MYH11: variants seen among roughly 807,000 people sequenced by gnomAD.
The protein encoded by MYH11 is myosin-11.
A neutral mutation model predicts 246.6 loss-of-function variants in MYH11; 80 were observed. The ratio of observed to expected loss-of-function variants is 0.32; its 90% CI spans 0.27 to 0.39. The LOEUF is 0.39. MYH11 is among the 10% of genes least tolerant of loss of function. The pLI, the probability that MYH11 is intolerant of heterozygous loss-of-function variation, is 1.00. For missense variants in MYH11, 2,158 were observed against 2,546.8 expected (o/e 0.85, Z 3.29); for synonymous variants, 1,071 against 1,015.5 (o/e 1.05, Z -1.04).
At chr16:15,782,809 C>A (rs1457132605) in intron 5 of MYH11, 1 of 356,204 alleles carries the variant, frequency 2.8e-6, no homozygotes, top group African/African-American at 2.1e-5. Flanking sequence ...ATGAATGGTG[C>A]CCCCCGGAGT....
At chr16:15,749,917 G>A (rs2041518900) in intron 16 of MYH11, 1 of 613,884 alleles carries the variant, frequency 1.6e-6, no homozygotes, top group Admixed American at 2.9e-5. Context: ...GTGGCTGGAT[G>A]ACCTGCACAG....
chr16:15,818,806 C>T (rs2043328436), intron 3 of MYH11, among the ~76,000 whole-genome samples: 1 of 152,156 alleles, frequency 6.6e-6, no homozygotes, highest in Non-Finnish European at 1.5e-5. Context: ...TAGACGAGGG[C>T]ATAGCAGGTG....
At chr16:15,797,659 T>C (rs942774026) in intron 4 of MYH11, among the ~76,000 whole-genome samples, 1 of 151,392 alleles carries the variant, frequency 6.6e-6, no homozygotes. Flanking sequence ...TTCACCGACC[T>C]GCTGAAAGTT....
intron 9 of MYH11, among the ~76,000 whole-genome samples, chr16:15,771,364 T>C (rs1359482122): frequency 6.6e-6 from 1 of 151,952 alleles, no homozygotes; most frequent in Non-Finnish European, 1.5e-5. Flanking sequence ...CTCGGGTTAC[T>C]TGCAACCCTA....
Position 15,795,900 on chromosome 16 carries a change from G to A in MYH11, c.530+2760C>T, listed in dbSNP as rs543148490. Reference sequence around the variant, plus strand: ...CATACAACTAACTAGACGATGATGGGGCCAGAATTCAAACCCAAGGGGTTA... The same window carrying A: ...CATACAACTAACTAGACGATGATGGAGCCAGAATTCAAACCCAAGGGGTTA... On this transcript the variant is annotated intron_variant, in intron 4 of 40. Transcript: ENST00000300036. 8.5e-5 allele frequency among the ~76,000 whole-genome samples: 13 copies of A among 152,278 alleles called. No individual in the cohort carries two copies. The South Asian group carries it at 2.7e-3, about 32-fold the overall frequency.
At chr16:15,733,112 T>C in intron 26 of MYH11, 1 of 260,554 alleles carries the variant, frequency 3.8e-6, no homozygotes, top group South Asian at 5.2e-5. Context: ...TGTGTTATTA[T>C]TTCCATTTTA....
chr16:15,745,090 TG>T, intron 20 of MYH11, 38 bp downstream of exon 20: 3 of 1,518,582 alleles, frequency 2.0e-6, no homozygotes, highest in Non-Finnish European at 2.7e-6. Context: ...GAAGCAGGGC[TG>T]GGGGCCCCTG....
intron 20 of MYH11, 104 bp downstream of exon 20, chr16:15,745,025 T>C: frequency 3.4e-6 from 3 of 881,142 alleles, no homozygotes; most frequent in Middle Eastern, 2.2e-4. Context: ...GAGCCCTCCA[T>C]TCCACACCCA....
At chr16:15,717,029 TTGC>T (rs1372869461) in intron 38 of MYH11, 108 bp downstream of exon 38, 1 of 1,168,094 alleles carries the variant, frequency 8.6e-7, no homozygotes, top group East Asian at 2.3e-5. Flanking sequence ...ATCACAGAGC[TTGC>T]TTCTTACAAG....
intron 1 of MYH11, among the ~76,000 whole-genome samples, chr16:15,845,571 C>T (rs1217965019): frequency 3.9e-5 from 6 of 152,156 alleles, no homozygotes; most frequent in East Asian, 1.9e-4. Context: ...TGGCTTGATA[C>T]GACGCGTCTT....
At chr16:15,743,794 G>A (rs899312421) in intron 20 of MYH11, among the ~76,000 whole-genome samples, 6 of 152,156 alleles carry the variant, frequency 3.9e-5, no homozygotes, top group African/African-American at 1.4e-4. Flanking sequence ...GATACAGCAG[G>A]CACTCAATGT....
At chr16:15,845,215 G>C (rs2044154389) in intron 1 of MYH11, among the ~76,000 whole-genome samples, 1 of 152,002 alleles carries the variant, frequency 6.6e-6, no homozygotes, top group South Asian at 2.1e-4. Context: ...CAGCCCACAG[G>C]CTGCATGGGG....
At chr16:15,735,828 G>A (rs1372243093) in intron 25 of MYH11, among the ~76,000 whole-genome samples, 4 of 152,276 alleles carry the variant, frequency 2.6e-5, no homozygotes, top group African/African-American at 9.6e-5. Context: ...ATGCACGTGT[G>A]TGCATGTGTG....
rs182436691 is a variant in MYH11, at chr16:15,762,850, G to A, written c.1129+946C>T. Among the ~76,000 whole-genome samples, 560 of 152,264 alleles carry A rather than the reference G, an allele frequency of 3.7e-3. 7 individuals are homozygous for A. Among genetic ancestry groups the A allele is most frequent in the African/African-American group, 0.012 (518 of 41,546 alleles). Reference sequence around the variant, plus strand: ...TGTGGGCAAGGTAAACCCAGTAAGCGGTTGCAACAGGTTTGATCAAGGTGG... The same window carrying A: ...TGTGGGCAAGGTAAACCCAGTAAGCAGTTGCAACAGGTTTGATCAAGGTGG... On this transcript the variant is annotated intron_variant, in intron 10 of 40. Coordinates refer to ENST00000300036, the MANE Select transcript of MYH11 (RefSeq NM_002474.3).
At chr16:15,800,019 G>A (rs1042520414) in intron 3 of MYH11, among the ~76,000 whole-genome samples, 1 of 151,528 alleles carries the variant, frequency 6.6e-6, no homozygotes, top group African/African-American at 2.4e-5. Flanking sequence ...TGGGTAGGTA[G>A]ATGGATGGGT....
At chr16:15,744,938 G>T (rs528656144) in intron 20 of MYH11, among the ~76,000 whole-genome samples, 191 bp downstream of exon 20, 1 of 152,226 alleles carries the variant, frequency 6.6e-6, no homozygotes, top group Non-Finnish European at 1.5e-5. Flanking sequence ...TTGTGTTAAG[G>T]TCCTGGCTAT....
chr16:15,798,619 A>AC, intron 4 of MYH11, 41 bp downstream of exon 4: 1 of 1,499,524 alleles, frequency 6.7e-7, no homozygotes, highest in Non-Finnish European at 9.0e-7. Flanking sequence ...AAAAAAAAAA[A>AC]AAAACAAAAA....
In MYH11 at chr16:15,724,208, G is replaced by A. The variant is rs766841864; in HGVS notation, c.4318C>T (p.Arg1440Trp). ...DDLVVDLDNQ[R>W]QLVSNLEKKQ... is the part of the protein sequence containing the mutation. ...TTTTCCAGGTTGGACACGAGTTGCC[G>A]CTGGTTGTCCAAATCAACAACCAGG... Residue 1440 changes from arginine to tryptophan, a missense_variant, in exon 31 of 41, where the codon CGG becomes TGG. Arg to Trp is a moderately radical substitution (Grantham distance 101). Around this residue, in one of 11 missense-constraint regions of MYH11, gnomAD observed 1,013 missense variants for 993.5 expected, o/e 1.02. Coordinates refer to ENST00000300036, the MANE Select transcript of MYH11 (RefSeq NM_002474.3). 19 of 1,613,932 alleles carry A rather than the reference G, an allele frequency of 1.2e-5. No individual in the cohort carries two copies. The Admixed American group carries it at 2.2e-4, about 18-fold the overall frequency.
intron 36 of MYH11, chr16:15,718,892 C>G: frequency 4.8e-6 from 2 of 416,166 alleles, no homozygotes; most frequent in Non-Finnish European, 9.0e-6. Flanking sequence ...CTTTGGGAGG[C>G]CAAGGTAGGA....
Sources: allele counts gnomAD v4.1 joint callset (sites outside exome capture counted in the v4.1 genomes callset), GRCh38; gene constraint gnomAD v4.1.1; regional missense constraint gnomAD v4.1.1; transcripts MANE v1.5; gene names NCBI Gene and HGNC (gene_info 2026-07-23, HGNC 2026-07-21).